The following PLD5 variants were observed in gnomAD, a reference collection of about 807,000 sequenced individuals.
PLD5 encodes inactive phospholipase D5.
Under a neutral mutation model 61.1 loss-of-function variants are expected in PLD5, and 36 were observed. The observed-to-expected ratio is 0.59, with a 90% CI of 0.45 to 0.78. PLD5 has a LOEUF of 0.78. Ranked by LOEUF, PLD5 falls within the 30% of genes least tolerant of loss-of-function variation. The pLI is 0.00. For synonymous variants in PLD5, 243 were observed against 242.8 expected, an observed-to-expected ratio of 1.00 and a Z score of -0.01; for missense variants, 515 against 644.4, an observed-to-expected ratio of 0.80 and a Z score of 2.17.
chr1:242,222,542 G>A lies in PLD5; in HGVS notation c.608-2427C>T, dbSNP rs74150866. On this transcript the variant is annotated intron_variant, in intron 4 of 9. Coordinates refer to ENST00000536534, the MANE Select transcript of PLD5 (RefSeq NM_001372062.1). ...CACTGACTGGCCCTCATCTCCTGGC[G>A]TGGGACACTGTGTCTGAAACTCGGC... Among the ~76,000 whole-genome samples, 1,358 of 152,252 alleles carry A rather than the reference G, an allele frequency of 8.9e-3. 22 individuals carry two copies. Among genetic ancestry groups the A allele is most frequent in the African/African-American group, 0.031 (1,295 of 41,536 alleles).
At position 242,404,538 on chromosome 1, in the gene PLD5, A is replaced by G. The variant is rs368071428; in HGVS notation, c.190-56296T>C. 8.5e-5 allele frequency among the ~76,000 whole-genome samples: 13 copies of G among 152,222 alleles called. No homozygotes were observed. The East Asian group carries it at 2.1e-3, about 25-fold the overall frequency. On this transcript the variant is annotated intron_variant, in intron 1 of 9. Coordinates refer to ENST00000536534, the MANE Select transcript of PLD5 (RefSeq NM_001372062.1). ...GGAGGTAGGGAGGGGTGGGGGATCA[A>G]GTTGGCATTTCTGATCATCCTCATC... is the stretch of plus-strand genomic sequence containing the variant.
chr1:242,252,665 A>G (rs113299294), intron 4 of PLD5, among the ~76,000 whole-genome samples: 1,629 of 152,280 alleles, frequency 0.011, 33 homozygotes, highest in African/African-American at 0.037. Context: ...CATGATCAGT[A>G]TTTTTAGCAA....
At chr1:242,391,779 T>G (rs540528897) in intron 1 of PLD5, among the ~76,000 whole-genome samples, 5 of 152,186 alleles carry the variant, frequency 3.3e-5, no homozygotes, top group African/African-American at 1.2e-4. Flanking sequence ...TGGGGAGCAG[T>G]TAGGGAGGAA....
At chr1:242,422,121 T>A (rs1665178440) in intron 1 of PLD5, among the ~76,000 whole-genome samples, 1 of 152,204 alleles carries the variant, frequency 6.6e-6, no homozygotes. Context: ...CTAGAGACAC[T>A]TAGTTTTCAT....
At position 242,086,209 on chromosome 1, in the gene PLD5, G is replaced by C. The variant is rs1023361897; in HGVS notation, c.*3645C>G. 2.0e-5 allele frequency: 3 copies of C among 152,146 alleles called. No homozygotes were observed. The highest frequency in any genetic ancestry group is 6.5e-5 in the Admixed American group (1 of 15,284). The allele number at this position is 152,146 out of a possible 1,614,324, so 9.4% of individuals were successfully genotyped here. On this transcript the variant is annotated 3_prime_UTR_variant, in exon 10 of 10. Transcript: ENST00000536534. The stretch of plus-strand genomic sequence containing the variant: ...CAGACATGAGACAAACAGTAGCACA[G>C]AGAGGGCCCGAATGGTGCCCAGAGT...
At chr1:242,413,547 C>T (rs1356935328) in intron 1 of PLD5, among the ~76,000 whole-genome samples, 1 of 152,192 alleles carries the variant, frequency 6.6e-6, no homozygotes, top group Non-Finnish European at 1.5e-5. Context: ...CCAATCTTGT[C>T]ATTCACAGAG....
At chr1:242,464,688 T>C (rs575622439) in intron 1 of PLD5, among the ~76,000 whole-genome samples, 15 of 152,302 alleles carry the variant, frequency 9.8e-5, no homozygotes, top group African/African-American at 3.6e-4. Context: ...AAAACAAGGA[T>C]TGAAACAAAC....
At chr1:242,483,017 T>C (rs1667835585) in intron 1 of PLD5, among the ~76,000 whole-genome samples, 1 of 152,166 alleles carries the variant, frequency 6.6e-6, no homozygotes, top group African/African-American at 2.4e-5. Flanking sequence ...CTGAGAAATT[T>C]TGTCACCACC....
chr1:242,273,267 T>C lies in PLD5; in HGVS notation c.496-7819A>G, dbSNP rs1387046446. Reference sequence around the variant, plus strand: ...CAAAGGACATGAACTCATTCTTTTTTATGGCTGCATAGTATTCCATGGTGT... The same window carrying C: ...CAAAGGACATGAACTCATTCTTTTTCATGGCTGCATAGTATTCCATGGTGT... On this transcript the variant is annotated intron_variant, in intron 3 of 9. Transcript: ENST00000536534. Among the ~76,000 whole-genome samples, 3 of 152,048 alleles carry C rather than the reference T, an allele frequency of 2.0e-5. 1 individual carries two copies. The highest frequency in any genetic ancestry group is 4.4e-5 in the Non-Finnish European group (3 of 68,012).
intron 5 of PLD5, among the ~76,000 whole-genome samples, chr1:242,209,510 A>G (rs1430781464): frequency 6.6e-6 from 1 of 152,174 alleles, no homozygotes; most frequent in East Asian, 1.9e-4. Flanking sequence ...CAATATTTCA[A>G]ACATTTTCAT....
chr1:242,356,793 A>T (rs986276495), intron 1 of PLD5, among the ~76,000 whole-genome samples: 8 of 152,106 alleles, frequency 5.3e-5, no homozygotes, highest in African/African-American at 1.9e-4. Context: ...CTTAACTTTG[A>T]TTACATGTAA....
At chr1:242,423,507 G>T (rs573526456) in intron 1 of PLD5, among the ~76,000 whole-genome samples, 2 of 152,198 alleles carry the variant, frequency 1.3e-5, no homozygotes, top group African/African-American at 2.4e-5. Context: ...AATCATTTAC[G>T]CTATTTGGTC....
chr1:242,322,351 T>G (rs186875394), intron 2 of PLD5, among the ~76,000 whole-genome samples: 35 of 152,306 alleles, frequency 2.3e-4, no homozygotes, highest in Admixed American at 2.1e-3. Context: ...ATCTACCTTT[T>G]TCAAGTCTTT....
intron 9 of PLD5, among the ~76,000 whole-genome samples, chr1:242,096,908 C>G (rs1660290811): frequency 6.6e-6 from 1 of 151,296 alleles, no homozygotes; most frequent in Admixed American, 6.6e-5. Context: ...CCCTCCCCCT[C>G]CCCACAACAG....
At chr1:242,453,406 A>G (rs186408649) in intron 1 of PLD5, among the ~76,000 whole-genome samples, 5 of 152,348 alleles carry the variant, frequency 3.3e-5, no homozygotes, top group Non-Finnish European at 7.3e-5. Context: ...AAATGCATAT[A>G]AGTAATACCT....
At chr1:242,192,807 A>C (rs746425605) in intron 5 of PLD5, among the ~76,000 whole-genome samples, 1 of 128,834 alleles carries the variant, frequency 7.8e-6, no homozygotes, top group Non-Finnish European at 1.7e-5. Context: ...ATAATTTAGA[A>C]GAGGGAATGC....
At chr1:242,457,115 A>G (rs1298024374) in intron 1 of PLD5, among the ~76,000 whole-genome samples, 1 of 152,184 alleles carries the variant, frequency 6.6e-6, no homozygotes, top group East Asian at 1.9e-4. Context: ...ATATGTTTTC[A>G]TGTTTTGTGG....
intron 1 of PLD5, among the ~76,000 whole-genome samples, chr1:242,492,528 A>G (rs557763287): frequency 1.3e-5 from 2 of 151,978 alleles, no homozygotes; most frequent in South Asian, 4.2e-4. Flanking sequence ...GTCTCAAAAA[A>G]AAAAAAAAGA....
intron 4 of PLD5, among the ~76,000 whole-genome samples, chr1:242,248,325 A>T (rs1431357046): frequency 2.6e-5 from 4 of 152,140 alleles, no homozygotes; most frequent in Non-Finnish European, 5.9e-5. Flanking sequence ...TTAACCTAAT[A>T]ATGTCACACT....
Sources: allele counts gnomAD v4.1 joint callset (sites outside exome capture counted in the v4.1 genomes callset), GRCh38; gene constraint gnomAD v4.1.1; transcripts MANE v1.5; gene names NCBI Gene and HGNC (gene_info 2026-07-23, HGNC 2026-07-21).